The following MAP4K3 variants were observed in gnomAD, a reference collection of about 807,000 sequenced individuals.
MAP4K3 encodes the protein MAPK/ERK kinase kinase kinase 3.
Under a neutral mutation model 143.5 loss-of-function variants are expected in MAP4K3, and 94 were observed. The ratio of observed to expected loss-of-function variants is 0.65; its 90% CI spans 0.55 to 0.78. MAP4K3 has a LOEUF of 0.78. MAP4K3 is among the 30% of genes least tolerant of loss of function. The probability of loss-of-function intolerance (pLI) is 0.00; values close to 1 mark genes in which losing one functional copy is unlikely to be tolerated. For synonymous variants in MAP4K3, 416 were observed against 347.2 expected (o/e 1.20, Z -2.20); for missense variants, 1,077 against 1,068.1 (o/e 1.01, Z -0.12).
chr2:39,377,521 C>CA (rs1666252517), intron 2 of MAP4K3, among the ~76,000 whole-genome samples: 1 of 151,916 alleles, frequency 6.6e-6, no homozygotes, highest in African/African-American at 2.4e-5. Flanking sequence ...TTGAAGCAGA[C>CA]AAAAAATAAG....
chr2:39,374,233 T>G (rs1666158647), intron 2 of MAP4K3, among the ~76,000 whole-genome samples: 1 of 152,040 alleles, frequency 6.6e-6, no homozygotes, highest in African/African-American at 2.4e-5. Context: ...AATACAAAAA[T>G]TAGCCAGGCA....
intron 7 of MAP4K3, 47 bp downstream of exon 7, chr2:39,333,485 T>C (rs1047659924): frequency 1.4e-6 from 2 of 1,425,240 alleles, no homozygotes; most frequent in Admixed American, 1.7e-5. Context: ...AACTTTACTA[T>C]ATCTTAGAAT....
At chr2:39,294,293 A>T (rs576292183) in intron 16 of MAP4K3, 38 of 152,354 alleles carry the variant, frequency 2.5e-4, no homozygotes, top group Admixed American at 1.1e-3. Context: ...AATTAACAGA[A>T]TAGGTTTTAG....
intron 14 of MAP4K3, 42 bp downstream of exon 14, chr2:39,309,419 C>T (rs918040387): frequency 2.1e-6 from 3 of 1,418,192 alleles, no homozygotes; most frequent in East Asian, 2.3e-5. Flanking sequence ...CAAATTAAAA[C>T]ATTTATTTTC....
intron 21 of MAP4K3, among the ~76,000 whole-genome samples, chr2:39,284,172 T>A (rs371516658): frequency 3.3e-5 from 5 of 152,212 alleles, no homozygotes; most frequent in East Asian, 1.9e-4. Flanking sequence ...GTTGTTTTTT[T>A]ATTTTTTTTG....
At chr2:39,357,014 C>T (rs1044085543) in intron 2 of MAP4K3, among the ~76,000 whole-genome samples, 2 of 152,200 alleles carry the variant, frequency 1.3e-5, no homozygotes, top group African/African-American at 4.8e-5. Flanking sequence ...CATTCACAGG[C>T]TTATCCTGTA....
chr2:39,309,575 T>TTTTTTTTTG, intron 13 of MAP4K3, 56 bp from the exon 14 acceptor site: 1 of 1,009,300 alleles, frequency 9.9e-7, no homozygotes. Flanking sequence ...TTTTTTTTTT[T>TTTTTTTTTG]GAGGCAGAGT....
At chr2:39,410,190 A>T (rs1054788167) in intron 1 of MAP4K3, among the ~76,000 whole-genome samples, 1 of 152,200 alleles carries the variant, frequency 6.6e-6, no homozygotes, top group Non-Finnish European at 1.5e-5. Context: ...TCTGTCATTT[A>T]AAGCAACAGC....
chr2:39,436,607 T>C (rs1665489759), intron 1 of MAP4K3: 3 of 460,358 alleles, frequency 6.5e-6, no homozygotes, highest in Non-Finnish European at 1.2e-5. Context: ...ATGAGCAGTG[T>C]GGCCTGCTCT....
At chr2:39,361,946 G>A (rs187055965) in intron 2 of MAP4K3, among the ~76,000 whole-genome samples, 13 of 152,086 alleles carry the variant, frequency 8.5e-5, no homozygotes, top group Admixed American at 7.2e-4. Context: ...AGTATTCTGT[G>A]AGATAAAAGA....
At position 39,383,362 on chromosome 2, in the gene MAP4K3, A is replaced by C. The variant is rs548128696; in HGVS notation, c.97-5239T>G. ...GCCCCTTATAAAACCATCAGATCTC[A>C]TGAGAACTCACTATCATGAGAAGAG... On this transcript the variant is annotated intron_variant, in intron 1 of 33. Transcript: ENST00000263881. Among the ~76,000 whole-genome samples the C allele has an allele frequency of 6.9e-4, 105 of 152,032 alleles. 1 individual carries two copies. Among genetic ancestry groups the C allele is most frequent in the African/African-American group, 2.3e-3 (97 of 41,538 alleles).
intron 3 of MAP4K3, among the ~76,000 whole-genome samples, chr2:39,351,898 T>C (rs1665470625): frequency 6.6e-6 from 1 of 152,200 alleles, no homozygotes; most frequent in African/African-American, 2.4e-5. Flanking sequence ...CTCAAACTCC[T>C]GACCTCAGAT....
At chr2:39,292,397 T>TA (rs1682081546) in intron 18 of MAP4K3, among the ~76,000 whole-genome samples, 1 of 152,170 alleles carries the variant, frequency 6.6e-6, no homozygotes, top group Non-Finnish European at 1.5e-5. Context: ...TTGGTGATCT[T>TA]ACGAGAGAGA....
At chr2:39,426,512 A>C (rs1665091143) in intron 1 of MAP4K3, among the ~76,000 whole-genome samples, 2 of 152,098 alleles carry the variant, frequency 1.3e-5, no homozygotes, top group African/African-American at 4.8e-5. Context: ...GAGAATACAC[A>C]TCAAAGTATT....
intron 33 of MAP4K3, among the ~76,000 whole-genome samples, chr2:39,251,503 A>G (rs1558599281): frequency 6.6e-6 from 1 of 152,224 alleles, no homozygotes; most frequent in Non-Finnish European, 1.5e-5. Context: ...CTTACAGTCA[A>G]TCAGAACAGG....
chr2:39,283,154 G>A (rs1187322300), intron 21 of MAP4K3, among the ~76,000 whole-genome samples: 6 of 152,070 alleles, frequency 3.9e-5, no homozygotes, highest in Non-Finnish European at 8.8e-5. Flanking sequence ...GAAGTATACC[G>A]CAGTATGGGT....
At chr2:39,263,829 T>A (rs1680667236) in intron 28 of MAP4K3, among the ~76,000 whole-genome samples, 1 of 152,186 alleles carries the variant, frequency 6.6e-6, no homozygotes, top group Non-Finnish European at 1.5e-5. Flanking sequence ...TGGGTAATTT[T>A]TAAGCGTCCT....
chr2:39,266,376 T>C (rs1680764264), intron 27 of MAP4K3, among the ~76,000 whole-genome samples: 1 of 152,256 alleles, frequency 6.6e-6, no homozygotes, highest in Non-Finnish European at 1.5e-5. Flanking sequence ...CCTTACTTGT[T>C]GCACAGTAAT....
At chr2:39,297,316 C>A (rs893010159) in intron 16 of MAP4K3, among the ~76,000 whole-genome samples, 1 of 152,068 alleles carries the variant, frequency 6.6e-6, no homozygotes, top group Admixed American at 6.5e-5. Flanking sequence ...CGGGGTTTCA[C>A]CATGTTGGCC....
Sources: gnomAD v4.1 joint callset for allele counts (sites outside exome capture counted in the v4.1 genomes callset) on GRCh38, gnomAD v4.1.1 for gene constraint, MANE v1.5 for transcripts, NCBI Gene and HGNC (gene_info 2026-07-23, HGNC 2026-07-21) for gene names.